ITM2B: variants seen among roughly 807,000 people sequenced by gnomAD.
ITM2B encodes the protein integral membrane protein 2B.
Under a neutral mutation model 27.8 loss-of-function variants are expected in ITM2B, and 11 were observed. That is an observed-to-expected ratio of 0.40 (90% CI 0.25 to 0.66). The LOEUF (loss-of-function observed/expected upper bound fraction) is 0.66, where lower values mean the gene tolerates loss of function less well. Ranked by LOEUF, ITM2B falls within the 30% of genes least tolerant of loss-of-function variation. The probability of loss-of-function intolerance (pLI) is 0.43; values close to 1 mark genes in which losing one functional copy is unlikely to be tolerated. For missense variants in ITM2B, 296 were observed against 328.9 expected (o/e 0.90, Z 0.77); for synonymous variants, 114 against 114.3 (o/e 1.00, Z 0.02).
chr13:48,242,336 A>G (rs1246640179), intron 1 of ITM2B, among the ~76,000 whole-genome samples: 7 of 152,084 alleles, frequency 4.6e-5, no homozygotes, highest in Admixed American at 4.6e-4. Context: ...TCAGACTCTG[A>G]CAGCAGTATA....
intron 1 of ITM2B, 137 bp downstream of exon 1, chr13:48,233,614 G>C (rs1380864102): frequency 9.8e-6 from 5 of 508,966 alleles, no homozygotes; most frequent in Non-Finnish European, 1.7e-5. Context: ...AGAGCCCGGC[G>C]CTCCCGTTTC....
At chr13:48,256,686 C>T (rs188990072) in intron 3 of ITM2B, among the ~76,000 whole-genome samples, 1 of 152,124 alleles carries the variant, frequency 6.6e-6, no homozygotes, top group Non-Finnish European at 1.5e-5. Flanking sequence ...AATTTATGTT[C>T]CTGTTTCTTG....
At chr13:48,235,695 G>A (rs1333550387) in intron 1 of ITM2B, among the ~76,000 whole-genome samples, 1 of 152,186 alleles carries the variant, frequency 6.6e-6, no homozygotes, top group East Asian at 1.9e-4. Flanking sequence ...TTGTCTGACT[G>A]CCTGGACTGG....
intron 1 of ITM2B, among the ~76,000 whole-genome samples, chr13:48,245,544 GT>G (rs898691091): frequency 2.2e-4 from 32 of 143,092 alleles, no homozygotes; most frequent in African/African-American, 4.9e-4. Flanking sequence ...TCTGCCTGTT[GT>G]TTTTTTTTTC....
At chr13:48,239,624 T>C (rs1418535746) in intron 1 of ITM2B, among the ~76,000 whole-genome samples, 2 of 152,184 alleles carry the variant, frequency 1.3e-5, no homozygotes, top group African/African-American at 4.8e-5. Context: ...ACAGCAAGAC[T>C]CTGTCTCAAA....
At chr13:48,238,064 T>TGA (rs1264043835) in intron 1 of ITM2B, among the ~76,000 whole-genome samples, 1 of 152,180 alleles carries the variant, frequency 6.6e-6, no homozygotes, top group East Asian at 1.9e-4. Flanking sequence ...CTGAATGAGG[T>TGA]GATTTTTGCC....
chr13:48,256,285 A>G lies in ITM2B; in HGVS notation c.355A>G (p.Ile119Val). The change falls in exon 3 of 6, where the codon ATT (isoleucine) becomes GTT (valine). Residue 119 changes from isoleucine (I) to valine (V), a missense_variant. Ile to Val is a conservative substitution (Grantham distance 29). Transcript: ENST00000647800. ...TCTCTACCAGACAATTGAAGAAAAT[A>G]TTAAAATCTTTGAAGAAGAAGAAGT... ...AALYQTIEENIKIFEEEEVEF... is the reference protein window; with the variant it reads ...AALYQTIEENVKIFEEEEVEF... The G allele has an allele frequency of 6.2e-7, 1 of 1,613,890 alleles. No homozygotes were observed. Among genetic ancestry groups the G allele is most frequent in the Non-Finnish European group, 8.5e-7 (1 of 1,179,782 alleles).
At position 48,262,527 on chromosome 13, in the gene ITM2B, A is replaced by G. The variant is rs1346472126; in HGVS notation, c.*1303A>G. On this transcript the variant is annotated 3_prime_UTR_variant, in exon 6 of 6. Transcript: ENST00000647800. ...TCAGGAATTAACAATTTTAGAAGACAATATGTTTCAATAAAATGAGAATTG... is the reference window on the plus strand; with the variant it reads ...TCAGGAATTAACAATTTTAGAAGACGATATGTTTCAATAAAATGAGAATTG... The G allele has an allele frequency of 6.6e-6, 1 of 152,194 alleles. No individual in the cohort carries two copies. Among genetic ancestry groups the G allele is most frequent in the South Asian group, 2.1e-4 (1 of 4,838 alleles). The allele number at this position is 152,194 out of a possible 1,614,324, so 9.4% of individuals were successfully genotyped here.
intron 1 of ITM2B, among the ~76,000 whole-genome samples, chr13:48,252,110 G>T (rs1951759228): frequency 1.3e-5 from 2 of 152,312 alleles, no homozygotes; most frequent in East Asian, 1.9e-4. Flanking sequence ...TTGTTGTTCA[G>T]TGTTAAATTC....
intron 3 of ITM2B, among the ~76,000 whole-genome samples, chr13:48,257,092 A>T (rs1951794168): frequency 6.6e-6 from 1 of 152,236 alleles, no homozygotes; most frequent in Admixed American, 6.5e-5. Flanking sequence ...ATATGTTAAA[A>T]TTTAATTTAC....
At chr13:48,244,226 T>C (rs1159102386) in intron 1 of ITM2B, among the ~76,000 whole-genome samples, 1 of 152,192 alleles carries the variant, frequency 6.6e-6, no homozygotes, top group Non-Finnish European at 1.5e-5. Flanking sequence ...TCAAGAAACA[T>C]TGTGTAGCTA....
intron 4 of ITM2B, 83 bp downstream of exon 4, chr13:48,258,319 G>A: frequency 1.3e-6 from 1 of 793,530 alleles, no homozygotes. Flanking sequence ...CCCTATAGGA[G>A]CCCATTTTAT....
chr13:48,270,077 G>T lies in ITM2B; in HGVS notation c.*8853G>T, dbSNP rs1951876017. The stretch of plus-strand genomic sequence containing the variant: ...TAGGGCAGAGAAGCACAGAACCGTG[G>T]GCACTGCTTCCCTTCCTTTAACCCT... On this transcript the variant is annotated 3_prime_UTR_variant, in exon 6 of 6. Coordinates refer to ENST00000647800, the MANE Select transcript of ITM2B (RefSeq NM_021999.5). 1 of 152,208 alleles carries T rather than the reference G, an allele frequency of 6.6e-6. No homozygotes were observed. 9.4% of individuals were successfully genotyped at this position (152,208 alleles called of 1,614,324 possible).
chr13:48,237,602 C>T (rs1951675359), intron 1 of ITM2B, among the ~76,000 whole-genome samples: 1 of 152,146 alleles, frequency 6.6e-6, no homozygotes, highest in African/African-American at 2.4e-5. Context: ...GCAGAAATAT[C>T]TCAAATACGT....
intron 1 of ITM2B, among the ~76,000 whole-genome samples, chr13:48,241,190 T>C (rs1951697993): frequency 6.6e-6 from 1 of 152,218 alleles, no homozygotes; most frequent in Non-Finnish European, 1.5e-5. Flanking sequence ...CTTAACTCCA[T>C]GTTTCTCACT....
intron 1 of ITM2B, 25 bp downstream of exon 1, chr13:48,233,502 A>G: frequency 2.7e-6 from 4 of 1,467,014 alleles, no homozygotes; most frequent in Non-Finnish European, 3.7e-6. Context: ...AGGTCGAGGA[A>G]GCGGGTGCTG....
At position 48,263,490 on chromosome 13, in the gene ITM2B, T is replaced by C. The variant is rs1951833485; in HGVS notation, c.*2266T>C. ...AGGGTGAGGGATGTGGATGAGAAGA[T>C]GACAGAGAATCAGACATGCAGAGAG... On this transcript the variant is annotated 3_prime_UTR_variant, in exon 6 of 6. Coordinates refer to ENST00000647800, the MANE Select transcript of ITM2B (RefSeq NM_021999.5). 6.6e-6 allele frequency: 1 copy of C among 152,268 alleles called. No homozygotes were observed. The highest frequency in any genetic ancestry group is 6.6e-5 in the Admixed American group (1 of 15,260). The allele number at this position is 152,268 out of a possible 1,614,324, so 9.4% of individuals were successfully genotyped here. A position where few individuals can be genotyped will look rare whatever the true frequency, so the allele number is the denominator to read the frequency against.
At chr13:48,255,923 T>A (rs1566163205) in intron 2 of ITM2B, among the ~76,000 whole-genome samples, 1 of 152,234 alleles carries the variant, frequency 6.6e-6, no homozygotes, top group East Asian at 1.9e-4. Flanking sequence ...ATTATTTTTA[T>A]GTTCTATTTT....
intron 4 of ITM2B, 75 bp downstream of exon 4, chr13:48,258,311 C>G: frequency 1.2e-6 from 1 of 806,188 alleles, no homozygotes; most frequent in East Asian, 2.5e-5. Flanking sequence ...GAAATTAGCC[C>G]TATAGGAGCC....
Sources: gnomAD v4.1 joint callset for allele counts (sites outside exome capture counted in the v4.1 genomes callset) on GRCh38, gnomAD v4.1.1 for gene constraint, MANE v1.5 for transcripts, NCBI Gene and HGNC (gene_info 2026-07-23, HGNC 2026-07-21) for gene names.